Variants in MOB3B observed in about 807,000 individuals in gnomAD.
The protein encoded by MOB3B is MOB kinase activator-like 2B.
A neutral mutation model predicts 18.7 loss-of-function variants in MOB3B; 7 were observed. The ratio of observed to expected loss-of-function variants is 0.37; its 90% CI spans 0.21 to 0.70. The LOEUF (loss-of-function observed/expected upper bound fraction) is 0.70. Among genes scored for constraint, MOB3B ranks in the 30% least tolerant of loss-of-function variants. The probability of loss-of-function intolerance (pLI) is 0.52; values close to 1 mark genes in which losing one functional copy is unlikely to be tolerated. For synonymous variants in MOB3B, 111 were observed against 99.9 expected (o/e 1.11, Z -0.66); for missense variants, 253 against 281.3 (o/e 0.90, Z 0.72).
intron 3 of MOB3B, among the ~76,000 whole-genome samples, chr9:27,350,836 A>G (rs1416761116): frequency 6.6e-6 from 1 of 151,550 alleles, no homozygotes; most frequent in African/African-American, 2.4e-5. Flanking sequence ...AGCCCCATGA[A>G]TGCACACTCC....
chr9:27,360,018 G>A (rs1251443336), intron 2 of MOB3B, among the ~76,000 whole-genome samples: 1 of 152,186 alleles, frequency 6.6e-6, no homozygotes, highest in Non-Finnish European at 1.5e-5. Context: ...CCTTCCAGCT[G>A]TATGACTGTG....
At chr9:27,417,766 GA>G (rs936009587) in intron 2 of MOB3B, among the ~76,000 whole-genome samples, 74 of 152,144 alleles carry the variant, frequency 4.9e-4, no homozygotes, top group Admixed American at 2.0e-4. Context: ...TTAGAAAATA[GA>G]AACACAACCC....
In MOB3B at chr9:27,330,460, T is replaced by C. The variant is rs1387340717; in HGVS notation, c.*127A>G. The C allele has an allele frequency of 1.6e-6, 2 of 1,240,054 alleles. No individual in the cohort carries two copies. The highest frequency in any genetic ancestry group is 3.0e-5 in the African/African-American group (2 of 66,488). The allele number at this position is 1,240,054 out of a possible 1,614,324, so 76.8% of individuals were successfully genotyped here. ...GTGGGGAATGTCTCTCAGGAGTCAC[T>C]GCTTGCCTCCACCTCTGCTGTTCCT... On this transcript the variant is annotated 3_prime_UTR_variant, in exon 4 of 4. Coordinates refer to ENST00000262244, the MANE Select transcript of MOB3B (RefSeq NM_024761.5).
chr9:27,411,865 C>T (rs191753780), intron 2 of MOB3B, among the ~76,000 whole-genome samples: 75 of 152,162 alleles, frequency 4.9e-4, no homozygotes, highest in African/African-American at 1.8e-3. Flanking sequence ...TTTTGGTTCA[C>T]CAATTATAAC....
At chr9:27,380,580 A>G (rs1032103028) in intron 2 of MOB3B, among the ~76,000 whole-genome samples, 1 of 152,122 alleles carries the variant, frequency 6.6e-6, no homozygotes, top group African/African-American at 2.4e-5. Flanking sequence ...GCCACTGGGC[A>G]TTTTCCAGGT....
intron 1 of MOB3B, among the ~76,000 whole-genome samples, chr9:27,505,413 G>A (rs1376545321): frequency 6.6e-6 from 1 of 152,122 alleles, no homozygotes; most frequent in Admixed American, 6.6e-5. Context: ...CCACTTTCCC[G>A]TGAATGTGGG....
intron 2 of MOB3B, among the ~76,000 whole-genome samples, chr9:27,364,766 C>CAGATAGTG (rs113165314): frequency 0.14 from 21,285 of 152,062 alleles, 2,229 homozygotes; most frequent in African/African-American, 0.29. Flanking sequence ...TACTGCCTTG[C>CAGATAGTG]AGTATTCTAT....
In MOB3B at chr9:27,330,436, T is replaced by C. The variant is rs1232198777; in HGVS notation, c.*151A>G. ...GAAGGTTAAGAGCACACAAAGTGAG[T>C]GGGGAATGTCTCTCAGGAGTCACTG... On this transcript the variant is annotated 3_prime_UTR_variant, in exon 4 of 4. Transcript: ENST00000262244. The C allele has an allele frequency of 1.1e-6, 1 of 938,960 alleles. No homozygotes were observed. Among genetic ancestry groups the C allele is most frequent in the Non-Finnish European group, 1.6e-6 (1 of 629,902 alleles). The allele number at this position is 938,960 out of a possible 1,614,324, so 58.2% of individuals were successfully genotyped here.
chr9:27,344,384 T>C (rs1399796076), intron 3 of MOB3B, among the ~76,000 whole-genome samples: 2 of 152,162 alleles, frequency 1.3e-5, no homozygotes, highest in Non-Finnish European at 2.9e-5. Context: ...TTTAGAATAA[T>C]CTCCTTCTTT....
At chr9:27,362,433 T>C (rs1821286351) in intron 2 of MOB3B, among the ~76,000 whole-genome samples, 1 of 152,180 alleles carries the variant, frequency 6.6e-6, no homozygotes, top group South Asian at 2.1e-4. Context: ...GTACTGTGCT[T>C]GGCACTCAAT....
rs1423259776 is a variant in MOB3B, at chr9:27,328,485, TAA to T, written c.*2100_*2101del. 1 of 152,090 alleles carries T rather than the reference TAA, an allele frequency of 6.6e-6. No homozygotes were observed. The highest frequency in any genetic ancestry group is 1.5e-5 in the Non-Finnish European group (1 of 68,004). The allele number at this position is 152,090 out of a possible 1,614,324, so 9.4% of individuals were successfully genotyped here. On this transcript the variant is annotated 3_prime_UTR_variant, in exon 4 of 4. Coordinates refer to ENST00000262244, the MANE Select transcript of MOB3B (RefSeq NM_024761.5). The stretch of plus-strand genomic sequence containing the variant: ...CAGGAGGAAATTCTTCCAAGAAGCT[TAA>T]AAAGATTTGGATTTTTAAATTGAGT...
At chr9:27,379,612 A>G (rs999457344) in intron 2 of MOB3B, among the ~76,000 whole-genome samples, 1 of 152,138 alleles carries the variant, frequency 6.6e-6, no homozygotes, top group Non-Finnish European at 1.5e-5. Flanking sequence ...TCTCCTTACC[A>G]TAGGAGCAGA....
At chr9:27,504,526 T>C (rs1587264380) in intron 1 of MOB3B, among the ~76,000 whole-genome samples, 1 of 152,154 alleles carries the variant, frequency 6.6e-6, no homozygotes, top group Non-Finnish European at 1.5e-5. Context: ...TCACTGCACA[T>C]CTGAGCAGTA....
intron 2 of MOB3B, among the ~76,000 whole-genome samples, chr9:27,387,910 T>C (rs1194831184): frequency 7.9e-5 from 12 of 152,148 alleles, no homozygotes; most frequent in Admixed American, 5.2e-4. Context: ...AGAGTCCTCT[T>C]ACAGCCATGT....
rs577024533 is a variant in MOB3B, at chr9:27,453,134, C to T, written c.418+1999G>A. ...GACAACTGTAATATATACAGCTTAA[C>T]GTTTTCCAAAAGATGCTAATGGTCT... is the stretch of plus-strand genomic sequence containing the variant. On this transcript the variant is annotated intron_variant, in intron 2 of 3. Transcript: ENST00000262244. 3.3e-5 allele frequency among the ~76,000 whole-genome samples: 5 copies of T among 151,948 alleles called. No homozygotes were observed. The East Asian group carries it at 5.8e-4, about 18-fold the overall frequency.
At chr9:27,443,947 T>C (rs886237792) in intron 2 of MOB3B, among the ~76,000 whole-genome samples, 3 of 152,090 alleles carry the variant, frequency 2.0e-5, no homozygotes, top group Non-Finnish European at 4.4e-5. Context: ...TTCTTTAGTC[T>C]TGCACCTATG....
In MOB3B at chr9:27,529,608, C is replaced by T; in HGVS notation, c.-252G>A. On this transcript the variant is annotated 5_prime_UTR_variant, in exon 1 of 4. Transcript: ENST00000262244. ...CGGTCGGCTCCCTTCGCCGGGTCAG[C>T]TGCAGCCAGCGCGAAAGAAAATGGT... 1 of 985,784 alleles carries T rather than the reference C, an allele frequency of 1.0e-6. No individual in the cohort carries two copies. Among genetic ancestry groups the T allele is most frequent in the Non-Finnish European group, 1.2e-6 (1 of 830,218 alleles). 61.1% of individuals were successfully genotyped at this position (985,784 alleles called of 1,614,324 possible). A position where few individuals can be genotyped will look rare whatever the true frequency, so the allele number is the denominator to read the frequency against.
chr9:27,525,307 G>A (rs1252736404), intron 1 of MOB3B, among the ~76,000 whole-genome samples: 2 of 152,220 alleles, frequency 1.3e-5, no homozygotes, highest in Non-Finnish European at 2.9e-5. Flanking sequence ...AGGATAGGGA[G>A]CAGAGAATGT....
intron 2 of MOB3B, among the ~76,000 whole-genome samples, chr9:27,451,550 T>C (rs1822783647): frequency 6.6e-6 from 1 of 152,216 alleles, no homozygotes; most frequent in African/African-American, 2.4e-5. Context: ...AACAGCTGTT[T>C]ATATCCTTTA....
Sources: allele counts gnomAD v4.1 joint callset (sites outside exome capture counted in the v4.1 genomes callset), GRCh38; gene constraint gnomAD v4.1.1; transcripts MANE v1.5; gene names NCBI Gene and HGNC (gene_info 2026-07-23, HGNC 2026-07-21).